Variants in IL1RAPL1 observed in about 807,000 individuals in gnomAD.
The protein encoded by IL1RAPL1 is interleukin 1 receptor accessory protein like 1.
IL1RAPL1 carries 3 observed loss-of-function variants against 48.4 expected under a neutral mutation model. The ratio of observed to expected loss-of-function variants is 0.06; its 90% confidence interval spans 0.03 to 0.16. The LOEUF is 0.16. Among genes scored for constraint, IL1RAPL1 ranks in the 10% least tolerant of loss-of-function variants. The pLI, the probability that IL1RAPL1 is intolerant of heterozygous loss-of-function variation, is 1.00. For synonymous variants in IL1RAPL1, 185 were observed against 187.7 expected (o/e 0.99, Z 0.12); for missense variants, 349 against 530.6 (o/e 0.66, Z 3.36).
intron 3 of IL1RAPL1, among the ~76,000 whole-genome samples, chrX:29,367,552 T>TTATTTTTA (rs758434894): frequency 0.014 from 1,338 of 98,500 alleles, 11 homozygotes; most frequent in African/African-American, 0.019. Flanking sequence ...TTCTATTTAT[T>TTATTTTTA]TTTATTTATT....
chrX:28,634,838 C>T (rs1250530307), intron 1 of IL1RAPL1, among the ~76,000 whole-genome samples: 1 of 110,056 alleles, frequency 9.1e-6, no homozygotes, highest in Admixed American at 9.8e-5. Flanking sequence ...ATATTTGTTC[C>T]TGGTTTTACA....
At chrX:29,371,932 T>A (rs1933551475) in intron 3 of IL1RAPL1, among the ~76,000 whole-genome samples, 1 of 112,191 alleles carries the variant, frequency 8.9e-6, no homozygotes, top group African/African-American at 3.2e-5. Flanking sequence ...GGTAGAATGA[T>A]TTATTTTCCT....
intron 1 of IL1RAPL1, among the ~76,000 whole-genome samples, chrX:28,666,179 A>T (rs1934877272): frequency 8.9e-6 from 1 of 111,895 alleles, no homozygotes; most frequent in African/African-American, 3.3e-5. Context: ...CATACTAAGG[A>T]TTGCTTCCTT....
intron 5 of IL1RAPL1, among the ~76,000 whole-genome samples, chrX:29,447,584 T>G (rs768671210): frequency 1.8e-5 from 2 of 112,319 alleles, no homozygotes; most frequent in Non-Finnish European, 1.9e-5. Flanking sequence ...TCTAGTATTA[T>G]TTGCTTTACT....
At chrX:29,197,896 A>G (rs1364924449) in intron 2 of IL1RAPL1, among the ~76,000 whole-genome samples, 1 of 109,966 alleles carries the variant, frequency 9.1e-6, no homozygotes, top group East Asian at 2.9e-4. Flanking sequence ...TTTAGTAGAG[A>G]CAGGGTTTCT....
chrX:29,491,952 A>G (rs966457339), intron 5 of IL1RAPL1, among the ~76,000 whole-genome samples: 2 of 111,926 alleles, frequency 1.8e-5, no homozygotes, highest in African/African-American at 6.5e-5. Context: ...AACCTCACAT[A>G]CCAAACCCCT....
chrX:28,674,984 G>A (rs1934983186), intron 1 of IL1RAPL1, among the ~76,000 whole-genome samples: 1 of 111,986 alleles, frequency 8.9e-6, no homozygotes, highest in South Asian at 3.7e-4. Context: ...CTTGATTTTA[G>A]TTTTAATGCA....
chrX:29,536,151 A>T (rs1021032671), intron 5 of IL1RAPL1, among the ~76,000 whole-genome samples: 7 of 112,241 alleles, frequency 6.2e-5, no homozygotes, highest in Admixed American at 1.9e-4. Flanking sequence ...AAAAATTTTT[A>T]AAAGTAAATA....
intron 2 of IL1RAPL1, among the ~76,000 whole-genome samples, chrX:28,801,166 C>T (rs1321690242): frequency 9.0e-6 from 1 of 110,538 alleles, no homozygotes; most frequent in Non-Finnish European, 1.9e-5. Flanking sequence ...CAGGCGTGAG[C>T]CACCACACCT....
intron 1 of IL1RAPL1, among the ~76,000 whole-genome samples, chrX:28,724,111 T>A (rs6620835): frequency 8.9e-6 from 1 of 111,803 alleles, no homozygotes; most frequent in Non-Finnish European, 1.9e-5. Context: ...CTATTAGGTC[T>A]GCTTGTTGCA....
intron 6 of IL1RAPL1, among the ~76,000 whole-genome samples, chrX:29,757,054 G>A (rs971484372): frequency 8.9e-6 from 1 of 111,921 alleles, no homozygotes; most frequent in Non-Finnish European, 1.9e-5. Flanking sequence ...AAGGGATCGT[G>A]GTTCCGCCAA....
At chrX:29,704,816 T>G (rs1927149589) in intron 6 of IL1RAPL1, among the ~76,000 whole-genome samples, 2 of 112,491 alleles carry the variant, frequency 1.8e-5, no homozygotes, top group South Asian at 7.3e-4. Context: ...TATTATATAT[T>G]ACATTGTCTT....
chrX:29,129,120 C>T (rs1253753662), intron 2 of IL1RAPL1, among the ~76,000 whole-genome samples: 3 of 104,905 alleles, frequency 2.9e-5, no homozygotes, highest in Non-Finnish European at 5.8e-5. Context: ...CTAGGCTCAC[C>T]GCGACCTCCG....
intron 3 of IL1RAPL1, among the ~76,000 whole-genome samples, chrX:29,384,860 A>G (rs190067445): frequency 1.8e-5 from 2 of 112,335 alleles, no homozygotes; most frequent in Admixed American, 9.4e-5. Flanking sequence ...CAAATAAAGG[A>G]GACACAACAT....
intron 1 of IL1RAPL1, among the ~76,000 whole-genome samples, chrX:28,625,320 A>G (rs1031843942): frequency 9.0e-6 from 1 of 111,710 alleles, no homozygotes; most frequent in Non-Finnish European, 1.9e-5. Flanking sequence ...TAGAAGAGCT[A>G]TATTAGGGAG....
intron 5 of IL1RAPL1, among the ~76,000 whole-genome samples, chrX:29,422,992 A>G (rs1487485131): frequency 8.9e-6 from 1 of 111,801 alleles, no homozygotes; most frequent in Non-Finnish European, 1.9e-5. Context: ...ATTAGCATTA[A>G]AACAGAGACC....
At chrX:29,732,747 A>G (rs893177542) in intron 6 of IL1RAPL1, among the ~76,000 whole-genome samples, 2 of 111,799 alleles carry the variant, frequency 1.8e-5, no homozygotes, top group Non-Finnish European at 3.8e-5. Flanking sequence ...TGCTGGTCTC[A>G]GGCCCAGGGC....
At chrX:29,714,519 A>G (rs1927431926) in intron 6 of IL1RAPL1, among the ~76,000 whole-genome samples, 1 of 112,061 alleles carries the variant, frequency 8.9e-6, no homozygotes, top group South Asian at 3.7e-4. Flanking sequence ...TACTTCTTAC[A>G]GTTTGTGTTA....
intron 1 of IL1RAPL1, among the ~76,000 whole-genome samples, chrX:28,739,549 C>T (rs1293890120): frequency 8.9e-6 from 1 of 111,754 alleles, no homozygotes. Context: ...TATCAAGGCA[C>T]AGAGAGACTA....
Sources: gnomAD v4.1 joint callset for allele counts (sites outside exome capture counted in the v4.1 genomes callset) on GRCh38, gnomAD v4.1.1 for gene constraint, MANE v1.5 for transcripts, NCBI Gene and HGNC (gene_info 2026-07-23, HGNC 2026-07-21) for gene names.